NBEA: variants seen among roughly 807,000 people sequenced by gnomAD.
NBEA encodes neurobeachin.
Under a neutral mutation model 343.4 loss-of-function variants are expected in NBEA, and 44 were observed. The ratio of observed to expected loss-of-function variants is 0.13; its 90% CI spans 0.10 to 0.16. The LOEUF (loss-of-function observed/expected upper bound fraction) is 0.16. Among genes scored for constraint, NBEA ranks in the 10% least tolerant of loss-of-function variants. The pLI is 1.00. For missense variants in NBEA, 2,555 were observed against 3,631.3 expected (o/e 0.70, Z 7.62); for synonymous variants, 1,175 against 1,238.7 (o/e 0.95, Z 1.08).
At chr13:35,030,468 C>T (rs892174073) in intron 1 of NBEA, among the ~76,000 whole-genome samples, 6 of 151,506 alleles carry the variant, frequency 4.0e-5, no homozygotes, top group East Asian at 3.9e-4. Context: ...CTGGATCTAC[C>T]GCTTACTTAT....
chr13:35,249,189 G>A (rs945496560), intron 34 of NBEA, among the ~76,000 whole-genome samples: 1 of 144,680 alleles, frequency 6.9e-6, no homozygotes, highest in Admixed American at 6.9e-5. Context: ...TGACATTGAT[G>A]ACATTGGATT....
chr13:35,316,322 T>C (rs1183164838), intron 36 of NBEA, among the ~76,000 whole-genome samples: 9 of 152,074 alleles, frequency 5.9e-5, no homozygotes, highest in Admixed American at 5.9e-4. Context: ...TGTGTTCTCA[T>C]TGTCACCTCC....
At chr13:35,008,983 C>G (rs1032440323) in intron 1 of NBEA, among the ~76,000 whole-genome samples, 35 of 152,164 alleles carry the variant, frequency 2.3e-4, no homozygotes, top group Admixed American at 4.6e-4. Flanking sequence ...AGCCTAAAGT[C>G]TGGGCTTACA....
chr13:35,297,032 A>G (rs182128793), intron 35 of NBEA, among the ~76,000 whole-genome samples: 38 of 152,152 alleles, frequency 2.5e-4, no homozygotes, highest in African/African-American at 7.7e-4. Flanking sequence ...CATCTTACAT[A>G]TAACTGTAGT....
In NBEA at chr13:35,583,904, G is replaced by C. The variant is rs1391493705; in HGVS notation, c.7042G>C (p.Gly2348Arg). The change falls in exon 46 of 59, where the codon GGT (glycine) becomes CGT (arginine). Residue 2348 changes from glycine to arginine, a missense_variant. Physicochemically the swap from Gly to Arg is moderately radical, Grantham distance 125. Around this residue, in one of 21 missense-constraint regions of NBEA, gnomAD observed 156 missense variants for 185.8 expected, o/e 0.84. Coordinates refer to ENST00000379939, the MANE Select transcript of NBEA (RefSeq NM_001385012.1). ...GNFRDLSKPI[G>R]ALNPKRAVFY... ...ATTTTTTTTCTTTTAATAGCCAATTGGTGCTTTGAACCCCAAGAGAGCTGT... is the reference window on the plus strand; with the variant it reads ...ATTTTTTTTCTTTTAATAGCCAATTCGTGCTTTGAACCCCAAGAGAGCTGT... 6.2e-7 allele frequency: 1 copy of C among 1,606,880 alleles called. No homozygotes were observed. The highest frequency in any genetic ancestry group is 1.3e-5 in the African/African-American group (1 of 74,510).
chr13:35,303,009 C>G (rs2036652440), intron 35 of NBEA, among the ~76,000 whole-genome samples: 1 of 151,978 alleles, frequency 6.6e-6, no homozygotes, highest in Non-Finnish European at 1.5e-5. Flanking sequence ...CTTTAAATTC[C>G]TATATCAAAT....
chr13:35,418,482 G>A (rs945490772), intron 38 of NBEA, among the ~76,000 whole-genome samples: 1 of 151,850 alleles, frequency 6.6e-6, no homozygotes, highest in Non-Finnish European at 1.5e-5. Flanking sequence ...GAGAATGAAA[G>A]GAAAGGAAAT....
rs1190061926 is a variant in NBEA at position 35,036,729 on chromosome 13, TC to T, written c.295-4202del. 2.0e-5 allele frequency among the ~76,000 whole-genome samples: 3 copies of T among 152,312 alleles called. No homozygotes were observed. In the East Asian group the frequency reaches 5.8e-4, roughly 29 times the overall value. ...AATTTAAATATGTCATGCCACTGTC[TC>T]CTGGCATATATGGTTTTCACTGAAA... On this transcript the variant is annotated intron_variant, in intron 1 of 58. Coordinates refer to ENST00000379939, the MANE Select transcript of NBEA (RefSeq NM_001385012.1).
chr13:35,152,253 C>T (rs911384692), intron 18 of NBEA, among the ~76,000 whole-genome samples: 17 of 152,126 alleles, frequency 1.1e-4, no homozygotes, highest in African/African-American at 3.9e-4. Context: ...AATCATTTTA[C>T]GAGTTAGTCA....
chr13:35,359,876 T>C (rs1434735097), intron 38 of NBEA, among the ~76,000 whole-genome samples: 1 of 151,640 alleles, frequency 6.6e-6, no homozygotes, highest in Non-Finnish European at 1.5e-5. Context: ...TCAGTTTTTA[T>C]TATTCATTTT....
rs111713020 is a variant in NBEA at position 35,090,789 on chromosome 13, A to G, written c.1572-7508A>G. Among the ~76,000 whole-genome samples, 6 of 152,026 alleles carry G rather than the reference A, an allele frequency of 3.9e-5. 1 individual carries two copies. The highest frequency in any genetic ancestry group is 1.4e-4 in the African/African-American group (6 of 41,508). ...CACTCTACCCTGTTTCTCCTACTCA[A>G]TGCAAGAAAAACACCCTACATGGAC... On this transcript the variant is annotated intron_variant, in intron 10 of 58. Coordinates refer to ENST00000379939, the MANE Select transcript of NBEA (RefSeq NM_001385012.1).
At chr13:35,514,918 T>C (rs2077425846) in intron 41 of NBEA, among the ~76,000 whole-genome samples, 1 of 152,216 alleles carries the variant, frequency 6.6e-6, no homozygotes, top group African/African-American at 2.4e-5. Context: ...GCATTAACAC[T>C]GAATTGCTTG....
At chr13:34,969,661 G>A (rs1396809953) in intron 1 of NBEA, among the ~76,000 whole-genome samples, 4 of 152,054 alleles carry the variant, frequency 2.6e-5, no homozygotes, top group African/African-American at 9.7e-5. Flanking sequence ...TTTGTTTTCT[G>A]TGTTAGTTTG....
intron 41 of NBEA, among the ~76,000 whole-genome samples, chr13:35,519,667 A>T (rs183906597): frequency 2.6e-5 from 4 of 152,290 alleles, no homozygotes; most frequent in African/African-American, 9.6e-5. Context: ...CATAATAATT[A>T]TGCCTATTTA....
chr13:35,459,201 T>C (rs998303030), intron 40 of NBEA, among the ~76,000 whole-genome samples: 1 of 152,076 alleles, frequency 6.6e-6, no homozygotes, highest in Non-Finnish European at 1.5e-5. Flanking sequence ...CCTTCCCTGA[T>C]TTTTAGAGGG....
intron 11 of NBEA, among the ~76,000 whole-genome samples, chr13:35,098,616 TA>T (rs1180578839): frequency 1.3e-5 from 2 of 152,186 alleles, no homozygotes; most frequent in African/African-American, 2.4e-5. Context: ...AAAATCTAAA[TA>T]AAAAATTTAC....
Position 35,335,109 on chromosome 13 carries a change from A to T in NBEA, c.5904-13999A>T, listed in dbSNP as rs372583405. 9.7e-4 allele frequency among the ~76,000 whole-genome samples: 148 copies of T among 152,080 alleles called. 2 individuals are homozygous for T. The South Asian group carries it at 0.029, about 30-fold the overall frequency. On this transcript the variant is annotated intron_variant, in intron 36 of 58. Coordinates refer to ENST00000379939, the MANE Select transcript of NBEA (RefSeq NM_001385012.1). ...TTTCCCCACACCATTTATTAAAGAG[A>T]TTGTCTTTCTTTGGCACCTTTGTCA...
At chr13:35,468,053 A>G (rs1029302430) in intron 40 of NBEA, among the ~76,000 whole-genome samples, 2 of 150,940 alleles carry the variant, frequency 1.3e-5, no homozygotes, top group Admixed American at 6.6e-5. Flanking sequence ...TTTAATAGCC[A>G]TCGTTGCCTT....
chr13:34,969,082 A>G (rs1261634496), intron 1 of NBEA, among the ~76,000 whole-genome samples: 1 of 151,996 alleles, frequency 6.6e-6, no homozygotes, highest in Non-Finnish European at 1.5e-5. Flanking sequence ...TTCTGTTGAG[A>G]ATGCTGTTTA....
Sources: gnomAD v4.1 joint callset for allele counts (sites outside exome capture counted in the v4.1 genomes callset) on GRCh38, gnomAD v4.1.1 for gene constraint, gnomAD v4.1.1 regional missense constraint, MANE v1.5 for transcripts, NCBI Gene and HGNC (gene_info 2026-07-23, HGNC 2026-07-21) for gene names.